Variants in PAOX observed in about 807,000 individuals in gnomAD.
The protein encoded by PAOX is peroxisomal N(1)-acetyl-spermine/spermidine oxidase.
A neutral mutation model predicts 39.0 loss-of-function variants in PAOX; 38 were observed. The ratio of observed to expected loss-of-function variants is 0.97; its 90% CI spans 0.75 to 1.28. The LOEUF (loss-of-function observed/expected upper bound fraction) is 1.28, where lower values mean the gene tolerates loss of function less well. PAOX is among the 50% of genes most tolerant of loss of function. The pLI, the probability that PAOX is intolerant of heterozygous loss-of-function variation, is 0.00. For missense variants in PAOX, 667 were observed against 685.7 expected, an observed-to-expected ratio of 0.97 and a Z score of 0.30; for synonymous variants, 311 against 314.4, an observed-to-expected ratio of 0.99 and a Z score of 0.11.
chr10:133,379,518 C>T (rs1849291702), intron 1 of PAOX, 21 bp downstream of exon 1: 4 of 1,225,012 alleles, frequency 3.3e-6, no homozygotes, highest in Non-Finnish European at 4.1e-6. Context: ...CTCCCGGAGC[C>T]CCTCCCGGAA....
In PAOX at chr10:133,380,402, C is replaced by T. The variant is rs780644894; in HGVS notation, c.585C>T (p.Ser195=). The change falls in exon 2 of 7, where the codon AGC becomes AGT. Residue 195 remains serine, a synonymous_variant. Coordinates refer to ENST00000278060, the MANE Select transcript of PAOX (RefSeq NM_152911.4). ...TCTTCAACCTGGAATGCTGTGTGAG[C>T]GGCACCCACAGCATGGACCTGGTGG... The part of the protein sequence containing the change: ...NSFFNLECCV[S]GTHSMDLVAL... The T allele has an allele frequency of 3.7e-6, 6 of 1,612,770 alleles. No individual in the cohort carries two copies. The highest frequency in any genetic ancestry group is 2.7e-5 in the African/African-American group (2 of 75,048).
In PAOX at chr10:133,381,534, A is replaced by T. The variant is rs1589891839; in HGVS notation, c.743A>T (p.Lys248Met). The T allele has an allele frequency of 6.2e-7, 1 of 1,613,736 alleles. No homozygotes were observed. ...EDTVVFEKPV[K>M]TIHWNGSFQE... ...ACTGTAGTTTTTGAGAAGCCTGTGA[A>T]GACCATCCACTGGAACGGGTCCTTC... Residue 248 changes from lysine to methionine, a missense_variant, in exon 3 of 7, where the codon AAG becomes ATG. Transcript: ENST00000278060.
At chr10:133,380,775 C>G (rs1384670789) in intron 2 of PAOX, among the ~76,000 whole-genome samples, 1 of 152,124 alleles carries the variant, frequency 6.6e-6, no homozygotes, top group Non-Finnish European at 1.5e-5. Flanking sequence ...GTCAGGAGTT[C>G]AAGAACAGCC....
chr10:133,381,695 G>A, intron 3 of PAOX, 36 bp downstream of exon 3: 1 of 1,602,438 alleles, frequency 6.2e-7, no homozygotes, highest in Non-Finnish European at 8.5e-7. Flanking sequence ...CCCATCCCAA[G>A]TGCCCCCGCC....
rs1344068435 is a variant in PAOX, at chr10:133,387,870, G to A, written c.1122-1086G>A. ...CGAGTAGCTGGGACTACAGGTGCCC[G>A]CCACCACGCCTGGCTAATTTTTGTA... On this transcript the variant is annotated intron_variant, in intron 4 of 6. Coordinates refer to ENST00000278060, the MANE Select transcript of PAOX (RefSeq NM_152911.4). 4.6e-5 allele frequency among the ~76,000 whole-genome samples: 7 copies of A among 152,244 alleles called. No individual in the cohort carries two copies. The South Asian group carries it at 8.3e-4, about 18-fold the overall frequency.
At position 133,379,803 on chromosome 10, in the gene PAOX, G is replaced by C. The variant is rs539765876; in HGVS notation, c.182-196G>C. On this transcript the variant is annotated intron_variant, in intron 1 of 6. Transcript: ENST00000278060. ...CCCCTCCCTCTGGTCCACACCGCCC[G>C]ACAAGTGCCCTCCTGCCCAGGTGCT... The C allele has an allele frequency of 7.3e-6, 5 of 688,272 alleles. No homozygotes were observed. The African/African-American group carries it at 9.0e-5, about 12-fold the overall frequency. The allele number at this position is 688,272 out of a possible 1,614,324, so 42.6% of individuals were successfully genotyped here.
intron 2 of PAOX, among the ~76,000 whole-genome samples, chr10:133,381,036 T>G (rs985104196): frequency 3.3e-5 from 5 of 152,216 alleles, no homozygotes; most frequent in Non-Finnish European, 7.3e-5. Flanking sequence ...TATGAGGGGC[T>G]TCAACTGCAG....
At chr10:133,389,122 T>G in intron 5 of PAOX, 54 bp downstream of exon 5, 2 of 1,392,190 alleles carry the variant, frequency 1.4e-6, no homozygotes, top group African/African-American at 1.4e-5. Flanking sequence ...CTGGTTGATC[T>G]CTAAACAGAA....
chr10:133,389,890 AT>A, intron 6 of PAOX, 143 bp downstream of exon 6: 2 of 964,718 alleles, frequency 2.1e-6, no homozygotes, highest in Non-Finnish European at 2.8e-6. Flanking sequence ...ACTAAGAATA[AT>A]TTTTAAATGT....
At chr10:133,389,173 C>T (rs1181336745) in intron 5 of PAOX, 105 bp downstream of exon 5, 1 of 862,382 alleles carries the variant, frequency 1.2e-6, no homozygotes, top group Non-Finnish European at 2.0e-6. Flanking sequence ...ATTTGGCTGA[C>T]TCTGTACATC....
At chr10:133,380,989 AAAG>A (rs897348583) in intron 2 of PAOX, among the ~76,000 whole-genome samples, 9 of 152,352 alleles carry the variant, frequency 5.9e-5, no homozygotes, top group East Asian at 1.9e-4. Flanking sequence ...AAAGAGAAAA[AAAG>A]AAGAAGAGTA....
At position 133,389,079 on chromosome 10, in the gene PAOX, A is replaced by C. The variant is rs753045166; in HGVS notation, c.1234+11A>C. 4.1e-5 allele frequency: 64 copies of C among 1,576,014 alleles called. 1 individual carries two copies. The highest frequency in any genetic ancestry group is 5.4e-5 in the Non-Finnish European group (62 of 1,145,480). ...TCCGGAGAGTGACAGGTAGGTACTC[A>C]CCACACACGCTGGTTCCTGCCTCTG... On this transcript the variant is annotated intron_variant, in intron 5 of 6. Transcript: ENST00000278060.
Position 133,391,390 on chromosome 10 carries a change from A to G in PAOX, c.1471A>G (p.Arg491Gly). 1 of 1,613,184 alleles carries G rather than the reference A, an allele frequency of 6.2e-7. No homozygotes were observed. Among genetic ancestry groups the G allele is most frequent in the Non-Finnish European group, 8.5e-7 (1 of 1,179,994 alleles). The stretch of plus-strand genomic sequence containing the variant: ...GCACGGGGCTCTGCTGTCGGGATGG[A>G]GGGAGGCCGACCGCCTCCTCAGTCT... ...TTHGALLSGW[R>G]EADRLLSLWA... is the part of the protein sequence containing the mutation. Residue 491 changes from arginine (R) to glycine (G), a missense_variant, in exon 7 of 7, where the codon AGG becomes GGG. By Grantham distance (125) the Arg-to-Gly change is moderately radical. Coordinates refer to ENST00000278060, the MANE Select transcript of PAOX (RefSeq NM_152911.4).
rs756611079 is a variant in PAOX at position 133,389,695 on chromosome 10, G to A, written c.1340G>A (p.Gly447Asp). 6.2e-6 allele frequency: 10 copies of A among 1,603,104 alleles called. No individual in the cohort carries two copies. The highest frequency in any genetic ancestry group is 2.7e-5 in the African/African-American group (2 of 74,748). Reference protein sequence around the residue: ...YSYVAVGSTGGDLDLLAQPLP... With the variant: ...YSYVAVGSTGDDLDLLAQPLP... ...TACGTGGCCGTGGGCAGTACTGGGG[G>A]CGACCTGGACCTGCTGGCTCAGCCC... is the stretch of plus-strand genomic sequence containing the variant. The change falls in exon 6 of 7, where the codon GGC (glycine) becomes GAC (aspartate). Residue 447 changes from glycine to aspartate, a missense_variant. Physicochemically the swap from Gly to Asp is moderately conservative, Grantham distance 94. Coordinates refer to ENST00000278060, the MANE Select transcript of PAOX (RefSeq NM_152911.4).
chr10:133,390,946 C>T (rs1366032720), intron 6 of PAOX: 1 of 695,336 alleles, frequency 1.4e-6, no homozygotes, highest in Non-Finnish European at 2.6e-6. Flanking sequence ...GGCTTCCTTT[C>T]CCACCCATTG....
In PAOX at chr10:133,379,452, G is replaced by A. The variant is rs1849287535; in HGVS notation, c.136G>A (p.Ala46Thr). The A allele has an allele frequency of 8.2e-7, 1 of 1,225,354 alleles. No homozygotes were observed. The highest frequency in any genetic ancestry group is 1.0e-6 in the Non-Finnish European group (1 of 984,006). The allele number at this position is 1,225,354 out of a possible 1,614,324, so 75.9% of individuals were successfully genotyped here. ...SAFPHLRVLE[A>T]TARAGGRIRS... ...CTTCCCGCACCTGCGGGTCCTGGAG[G>A]CCACGGCCCGCGCCGGGGGCCGCAT... Residue 46 changes from alanine to threonine, a missense_variant, in exon 1 of 7, where the codon GCC becomes ACC. Ala to Thr is a moderately conservative substitution (Grantham distance 58). Coordinates refer to ENST00000278060, the MANE Select transcript of PAOX (RefSeq NM_152911.4).
intron 4 of PAOX, among the ~76,000 whole-genome samples, chr10:133,388,243 A>C (rs928077168): frequency 1.3e-5 from 2 of 152,116 alleles, no homozygotes; most frequent in Non-Finnish European, 2.9e-5. Flanking sequence ...TAGTTCTATC[A>C]CCCAGGAATT....
chr10:133,381,367 T>C, intron 2 of PAOX, 93 bp from the exon 3 acceptor site: 1 of 1,242,488 alleles, frequency 8.0e-7, no homozygotes, highest in Non-Finnish European at 1.2e-6. Context: ...GCAGCTACCT[T>C]TGATGCGGGT....
chr10:133,385,872 C>T (rs549777949), intron 4 of PAOX, among the ~76,000 whole-genome samples: 26 of 152,166 alleles, frequency 1.7e-4, no homozygotes, highest in African/African-American at 4.8e-4. Flanking sequence ...CATGAGCCAC[C>T]GCACCCAGTC....
Sources: gnomAD v4.1 joint callset for allele counts (sites outside exome capture counted in the v4.1 genomes callset) on GRCh38, gnomAD v4.1.1 for gene constraint, MANE v1.5 for transcripts, NCBI Gene and HGNC (gene_info 2026-07-23, HGNC 2026-07-21) for gene names.